Variants in TMEM131L observed in about 807,000 individuals in gnomAD.
TMEM131L encodes the protein transmembrane 131 like.
In TMEM131L, 54 loss-of-function variants were observed where a neutral mutation model predicts 192.2. The observed-to-expected ratio is 0.28, with a 90% confidence interval of 0.23 to 0.35. The LOEUF (loss-of-function observed/expected upper bound fraction) is 0.35. Among genes scored for constraint, TMEM131L ranks in the 10% least tolerant of loss-of-function variants. The pLI, the probability that TMEM131L is intolerant of heterozygous loss-of-function variation, is 1.00. For synonymous variants in TMEM131L, 701 were observed against 704.9 expected (o/e 0.99, Z 0.09); for missense variants, 1,888 against 1,972.9 (o/e 0.96, Z 0.82).
intron 3 of TMEM131L, among the ~76,000 whole-genome samples, chr4:153,496,365 G>T (rs952283730): frequency 6.6e-6 from 1 of 152,146 alleles, no homozygotes; most frequent in Admixed American, 6.5e-5. Flanking sequence ...GGCCCACTGA[G>T]GCACAGGGAT....
intron 3 of TMEM131L, among the ~76,000 whole-genome samples, chr4:153,511,856 T>C (rs890971284): frequency 1.3e-5 from 2 of 152,236 alleles, no homozygotes; most frequent in Non-Finnish European, 1.5e-5. Context: ...GTTATTTATA[T>C]TGAATAACTT....
chr4:153,595,928 T>C (rs1322858187), intron 19 of TMEM131L, among the ~76,000 whole-genome samples: 1 of 152,198 alleles, frequency 6.6e-6, no homozygotes, highest in Non-Finnish European at 1.5e-5. Flanking sequence ...CAGAGGCTGT[T>C]GGGTCTGTTT....
rs1429054510 is a variant in TMEM131L, at chr4:153,578,820, A to AT, written c.661-1997dup. On this transcript the variant is annotated intron_variant, in intron 7 of 34. Coordinates refer to ENST00000409959, the MANE Select transcript of TMEM131L (RefSeq NM_001131007.2). ...CAGGCGTGAGCCACAATGCCTGGCC[A>AT]TTTTTTTTTGTATTTTTAGTAGAGA... is the stretch of plus-strand genomic sequence containing the variant. Among the ~76,000 whole-genome samples the AT allele has an allele frequency of 7.1e-4, 103 of 145,448 alleles. 1 individual carries two copies. The highest frequency in any genetic ancestry group is 1.1e-3 in the Non-Finnish European group (71 of 66,070).
chr4:153,557,218 T>C lies in TMEM131L; in HGVS notation c.549+136T>C, dbSNP rs1580208665. The C allele has an allele frequency of 4.8e-6, 3 of 622,784 alleles. No individual in the cohort carries two copies. The East Asian group carries it at 8.7e-5, about 18-fold the overall frequency. 38.6% of individuals were successfully genotyped at this position (622,784 alleles called of 1,614,324 possible). A position where few individuals can be genotyped will look rare whatever the true frequency, so the allele number is the denominator to read the frequency against. ...TTAAAATACAAGACTGTTAGTGATGTTAAAATCATCAGCATTCACCCTTTT... is the reference window on the plus strand; with the variant it reads ...TTAAAATACAAGACTGTTAGTGATGCTAAAATCATCAGCATTCACCCTTTT... On this transcript the variant is annotated intron_variant, in intron 6 of 34. Coordinates refer to ENST00000409959, the MANE Select transcript of TMEM131L (RefSeq NM_001131007.2).
chr4:153,610,670 A>G (rs1332213148), intron 25 of TMEM131L, among the ~76,000 whole-genome samples: 1 of 152,180 alleles, frequency 6.6e-6, no homozygotes, highest in Non-Finnish European at 1.5e-5. Flanking sequence ...TGAAAACTTT[A>G]TGTATCTTGC....
chr4:153,536,365 A>G (rs1052965474), intron 3 of TMEM131L, among the ~76,000 whole-genome samples: 6 of 152,230 alleles, frequency 3.9e-5, no homozygotes, highest in Admixed American at 3.9e-4. Flanking sequence ...AAAACTCTTC[A>G]TGTATGATTT....
chr4:153,502,595 T>C (rs1019169366), intron 3 of TMEM131L, among the ~76,000 whole-genome samples: 2 of 152,258 alleles, frequency 1.3e-5, no homozygotes, highest in Non-Finnish European at 2.9e-5. Context: ...GAATGTGCAT[T>C]GAAATGGCTT....
At chr4:153,634,393 G>C in intron 33 of TMEM131L, 113 bp downstream of exon 33, 1 of 819,346 alleles carries the variant, frequency 1.2e-6, no homozygotes, top group Non-Finnish European at 2.1e-6. Context: ...TTGAGAATGA[G>C]CTTGCAGTAG....
intron 3 of TMEM131L, among the ~76,000 whole-genome samples, chr4:153,499,047 T>C (rs756244266): frequency 8.5e-5 from 13 of 152,226 alleles, no homozygotes; most frequent in Non-Finnish European, 1.3e-4. Flanking sequence ...AATGTAGTCT[T>C]ACGTAGAGAA....
At chr4:153,559,737 C>T (rs1443356112) in intron 7 of TMEM131L, among the ~76,000 whole-genome samples, 1 of 152,036 alleles carries the variant, frequency 6.6e-6, no homozygotes, top group Non-Finnish European at 1.5e-5. Context: ...TACTTTAGTC[C>T]CTTCCTACCT....
At chr4:153,534,917 G>A (rs781737598) in intron 3 of TMEM131L, among the ~76,000 whole-genome samples, 1 of 152,234 alleles carries the variant, frequency 6.6e-6, no homozygotes, top group East Asian at 1.9e-4. Flanking sequence ...GACCTGGAGA[G>A]GGGTGTGGAG....
At chr4:153,592,401 C>T (rs1472355618) in intron 17 of TMEM131L, 74 bp from the exon 18 acceptor site, 1 of 965,094 alleles carries the variant, frequency 1.0e-6, no homozygotes, top group African/African-American at 1.6e-5. Flanking sequence ...TTAGGTTATG[C>T]TTTTTGGCCA....
intron 26 of TMEM131L, among the ~76,000 whole-genome samples, chr4:153,619,651 A>G (rs900015086): frequency 1.3e-5 from 2 of 152,258 alleles, no homozygotes; most frequent in African/African-American, 4.8e-5. Context: ...TAAGGGTTCT[A>G]ATATCTCAGA....
At chr4:153,510,088 A>G (rs924314633) in intron 3 of TMEM131L, among the ~76,000 whole-genome samples, 6 of 152,326 alleles carry the variant, frequency 3.9e-5, no homozygotes, top group African/African-American at 1.4e-4. Flanking sequence ...CCTGACTCTC[A>G]TTTATGAAAG....
chr4:153,528,688 G>A (rs906584850), intron 3 of TMEM131L, among the ~76,000 whole-genome samples: 1 of 152,156 alleles, frequency 6.6e-6, no homozygotes, highest in Non-Finnish European at 1.5e-5. Flanking sequence ...TATTAAAGTT[G>A]CTGTTCCACA....
chr4:153,550,730 A>AGC (rs1737557756), intron 4 of TMEM131L, among the ~76,000 whole-genome samples: 2 of 106,162 alleles, frequency 1.9e-5, no homozygotes, highest in African/African-American at 1.7e-4. Flanking sequence ...TATAATGAAA[A>AGC]ACTAAATATT....
intron 7 of TMEM131L, among the ~76,000 whole-genome samples, chr4:153,559,642 A>T (rs1399629811): frequency 2.6e-5 from 4 of 152,124 alleles, no homozygotes; most frequent in African/African-American, 9.7e-5. Flanking sequence ...CGTACTTCTC[A>T]TGATGCCCAC....
chr4:153,610,081 A>G (rs1732508234), intron 25 of TMEM131L, among the ~76,000 whole-genome samples: 1 of 152,218 alleles, frequency 6.6e-6, no homozygotes, highest in South Asian at 2.1e-4. Context: ...GGTAATGATG[A>G]TTCCACAGGG....
At chr4:153,525,008 T>C (rs889892433) in intron 3 of TMEM131L, among the ~76,000 whole-genome samples, 6 of 152,216 alleles carry the variant, frequency 3.9e-5, no homozygotes, top group African/African-American at 1.4e-4. Flanking sequence ...AGTAGTTTCA[T>C]TGGATGGCTC....
Sources: allele counts gnomAD v4.1 joint callset (sites outside exome capture counted in the v4.1 genomes callset), GRCh38; gene constraint gnomAD v4.1.1; transcripts MANE v1.5; gene names NCBI Gene and HGNC (gene_info 2026-07-23, HGNC 2026-07-21).